ROBO2: variants seen among roughly 807,000 people sequenced by gnomAD.
The protein encoded by ROBO2 is roundabout homolog 2.
ROBO2 carries 53 observed loss-of-function variants against 160.8 expected under a neutral mutation model. The ratio of observed to expected loss-of-function variants is 0.33; its 90% confidence interval spans 0.26 to 0.41. The LOEUF is 0.41. ROBO2 is among the 10% of genes least tolerant of loss of function. ROBO2 has a pLI of 1.00. For missense variants in ROBO2, 1,577 were observed against 1,722.4 expected (o/e 0.92, Z 1.49); for synonymous variants, 664 against 611.7 (o/e 1.09, Z -1.26).
At chr3:77,050,286 C>G (rs542883989) in intron 1 of ROBO2, among the ~76,000 whole-genome samples, 1 of 151,922 alleles carries the variant, frequency 6.6e-6, no homozygotes, top group Non-Finnish European at 1.5e-5. Flanking sequence ...TCACCTTCCT[C>G]ATCTTAAGCA....
At chr3:76,367,099 A>C (rs548937236) in intron 2 of ROBO2, among the ~76,000 whole-genome samples, 70 of 152,160 alleles carry the variant, frequency 4.6e-4, no homozygotes, top group African/African-American at 1.6e-3. Context: ...TTTAATGTCA[A>C]AATAACTGCC....
At chr3:75,916,535 A>T (rs1946813919) in intron 1 of ROBO2, among the ~76,000 whole-genome samples, 2 of 152,278 alleles carry the variant, frequency 1.3e-5, no homozygotes. Flanking sequence ...TTATTCAGAG[A>T]TTTTATGTGA....
chr3:77,205,575 C>T (rs2083354412), intron 2 of ROBO2, among the ~76,000 whole-genome samples: 1 of 152,006 alleles, frequency 6.6e-6, no homozygotes, highest in African/African-American at 2.4e-5. Flanking sequence ...CCTATTCCCC[C>T]TAAGGGCAGC....
chr3:77,276,242 T>A (rs1379429208), intron 2 of ROBO2, among the ~76,000 whole-genome samples: 1 of 150,770 alleles, frequency 6.6e-6, no homozygotes, highest in African/African-American at 2.4e-5. Flanking sequence ...AAAGAAAAAA[T>A]GTCTCTGATA....
intron 2 of ROBO2, among the ~76,000 whole-genome samples, chr3:76,258,791 C>T (rs1005829396): frequency 2.0e-5 from 3 of 152,072 alleles, no homozygotes; most frequent in Non-Finnish European, 4.4e-5. Flanking sequence ...TTCTAAACAG[C>T]TCTACCTAAT....
chr3:77,584,009 C>T (rs1245283511), intron 16 of ROBO2, among the ~76,000 whole-genome samples: 1 of 152,084 alleles, frequency 6.6e-6, no homozygotes, highest in East Asian at 1.9e-4. Context: ...GGAAGTTTTG[C>T]GGTGAACATG....
chr3:76,335,178 GTT>G (rs34963831), intron 2 of ROBO2, among the ~76,000 whole-genome samples: 1,220 of 77,902 alleles, frequency 0.016, 7 homozygotes, highest in African/African-American at 0.056. Flanking sequence ...TTTCTGTTTT[GTT>G]TTTTTTTTTT....
At position 76,467,280 on chromosome 3, in the gene ROBO2, T is replaced by C. The variant is rs1343925677; in HGVS notation, c.109+529678T>C. On this transcript the variant is annotated intron_variant, in intron 2 of 26. Transcript: ENST00000487694. ...CTAATTATAAGACAACCAAAGGTGA[T>C]TATTATTTTAAAAAACTCATGGTTA... 2.0e-5 allele frequency among the ~76,000 whole-genome samples: 3 copies of C among 152,066 alleles called. No individual in the cohort carries two copies. The East Asian group carries it at 5.8e-4, about 29-fold the overall frequency.
chr3:76,476,777 G>A (rs575626306), intron 2 of ROBO2, among the ~76,000 whole-genome samples: 10 of 152,042 alleles, frequency 6.6e-5, no homozygotes, highest in Admixed American at 1.3e-4. Flanking sequence ...AAACAGCCAC[G>A]TTCCCATGGT....
chr3:77,398,986 G>T (rs1051952666), intron 2 of ROBO2, among the ~76,000 whole-genome samples: 1 of 152,186 alleles, frequency 6.6e-6, no homozygotes, highest in Non-Finnish European at 1.5e-5. Context: ...ATACAGTCAA[G>T]GTCCTGTTTC....
chr3:76,534,571 G>A (rs1366813016), intron 2 of ROBO2, among the ~76,000 whole-genome samples: 2 of 152,076 alleles, frequency 1.3e-5, no homozygotes, highest in Non-Finnish European at 2.9e-5. Flanking sequence ...TTGTCTCCTG[G>A]ATTAAGCTGA....
At chr3:76,062,643 A>C (rs2107897856) in intron 2 of ROBO2, among the ~76,000 whole-genome samples, 1 of 152,334 alleles carries the variant, frequency 6.6e-6, no homozygotes, top group Middle Eastern at 3.4e-3. Flanking sequence ...TTGTGCTTTC[A>C]TCTCAGAGAA....
chr3:77,510,353 A>G (rs1193977420), intron 5 of ROBO2, among the ~76,000 whole-genome samples: 1 of 152,034 alleles, frequency 6.6e-6, no homozygotes, highest in African/African-American at 2.4e-5. Flanking sequence ...AGAAGATACA[A>G]AGGGTTGATA....
At chr3:77,348,062 C>A (rs1193476741) in intron 2 of ROBO2, among the ~76,000 whole-genome samples, 1 of 152,130 alleles carries the variant, frequency 6.6e-6, no homozygotes, top group East Asian at 1.9e-4. Context: ...TTCCTCTAAT[C>A]CCTTTCCTGT....
At chr3:76,309,989 T>G (rs1263919107) in intron 2 of ROBO2, among the ~76,000 whole-genome samples, 2 of 142,606 alleles carry the variant, frequency 1.4e-5, no homozygotes, top group East Asian at 4.0e-4. Context: ...GCATGGCTAA[T>G]TTTTTTTTTT....
At chr3:76,935,559 A>C (rs1454466515) in intron 2 of ROBO2, among the ~76,000 whole-genome samples, 1 of 152,130 alleles carries the variant, frequency 6.6e-6, no homozygotes, top group Non-Finnish European at 1.5e-5. Flanking sequence ...CACAGAATAC[A>C]ATAGACTGGG....
At chr3:77,602,369 C>T in exon 20 of ROBO2, 1 of 1,614,126 alleles carries the variant, frequency 6.2e-7, no homozygotes, top group Non-Finnish European at 8.5e-7. Flanking sequence ...ATCTTGCATT[C>T]CAACAGCATA....
intron 2 of ROBO2, among the ~76,000 whole-genome samples, chr3:75,947,853 C>T (rs1948373628): frequency 6.6e-6 from 1 of 152,136 alleles, no homozygotes; most frequent in African/African-American, 2.4e-5. Flanking sequence ...ACAAAGAAAG[C>T]CCATGGGAGG....
intron 2 of ROBO2, among the ~76,000 whole-genome samples, chr3:76,211,183 T>G (rs573773302): frequency 6.6e-6 from 1 of 152,220 alleles, no homozygotes; most frequent in African/African-American, 2.4e-5. Context: ...GGAGCCATAC[T>G]TACCCTTGCA....
Sources: allele counts gnomAD v4.1 joint callset (sites outside exome capture counted in the v4.1 genomes callset), GRCh38; gene constraint gnomAD v4.1.1; transcripts MANE v1.5; gene names NCBI Gene and HGNC (gene_info 2026-07-23, HGNC 2026-07-21).